Variants in FRAS1 observed in about 807,000 individuals in gnomAD.
FRAS1 encodes extracellular matrix organizing protein FRAS1.
A neutral mutation model predicts 435.2 loss-of-function variants in FRAS1; 290 were observed. The observed-to-expected ratio is 0.67, with a 90% CI of 0.61 to 0.73. The LOEUF is 0.73. Ranked by LOEUF, FRAS1 falls within the 30% of genes least tolerant of loss-of-function variation. The probability of loss-of-function intolerance (pLI) is 0.00; values close to 1 mark genes in which losing one functional copy is unlikely to be tolerated. For missense variants in FRAS1, 4,860 were observed against 5,001.5 expected, an observed-to-expected ratio of 0.97 and a Z score of 0.85; for synonymous variants, 1,800 against 1,851.0, an observed-to-expected ratio of 0.97 and a Z score of 0.71.
At chr4:78,245,898 C>T (rs1263378701) in intron 4 of FRAS1, among the ~76,000 whole-genome samples, 2 of 152,086 alleles carry the variant, frequency 1.3e-5, no homozygotes. Flanking sequence ...CATCCCTGGT[C>T]TTTTCCCACT....
At chr4:78,149,080 C>T (rs1720538977) in intron 2 of FRAS1, among the ~76,000 whole-genome samples, 2 of 152,224 alleles carry the variant, frequency 1.3e-5, no homozygotes, top group South Asian at 4.2e-4. Flanking sequence ...ACTCTATTGC[C>T]CTTTTTTTTG....
chr4:78,380,894 C>T (rs1316045516), intron 27 of FRAS1, among the ~76,000 whole-genome samples: 1 of 152,058 alleles, frequency 6.6e-6, no homozygotes. Context: ...ATGCCAGTGA[C>T]CTTGGAAGAT....
chr4:78,213,237 C>T (rs1267496562), intron 2 of FRAS1, among the ~76,000 whole-genome samples: 2 of 152,234 alleles, frequency 1.3e-5, no homozygotes, highest in Non-Finnish European at 2.9e-5. Flanking sequence ...TTTGTAGATC[C>T]ATACATCCCT....
intron 12 of FRAS1, 126 bp downstream of exon 12, chr4:78,283,093 C>T (rs958397862): frequency 1.4e-6 from 1 of 703,888 alleles, no homozygotes; most frequent in African/African-American, 1.9e-5. Context: ...TTGTTTGTTT[C>T]TTCATAATTT....
At position 78,438,808 on chromosome 4, in the gene FRAS1, T is replaced by C. The variant is rs940684659; in HGVS notation, c.5366+90T>C. ...TGGTTGTAGCTCTGTTGAAAGAATA[T>C]ATTGGTTTGGCCCCATTTTTAAACA... On this transcript the variant is annotated intron_variant, in intron 39 of 73. Transcript: ENST00000512123. 10 of 1,496,240 alleles carry C rather than the reference T, an allele frequency of 6.7e-6. No homozygotes were observed. The East Asian group carries it at 2.0e-4, about 30-fold the overall frequency. The allele number at this position is 1,496,240 out of a possible 1,614,324, so 92.7% of individuals were successfully genotyped here. A position where few individuals can be genotyped will look rare whatever the true frequency, so the allele number is the denominator to read the frequency against.
intron 50 of FRAS1, among the ~76,000 whole-genome samples, chr4:78,466,891 T>G (rs1283913188): frequency 6.6e-6 from 1 of 152,038 alleles, no homozygotes; most frequent in East Asian, 1.9e-4. Flanking sequence ...TGGATAAGAG[T>G]GTGGTTTTTG....
rs181399456 is a variant in FRAS1, at chr4:78,505,285, T to C, written c.9317-2136T>C. ...TGAATGTTGGCCTTGCTTGCCAGGT[T>C]GGGGAAGTTCTCCTGGATAATATCC... is the stretch of plus-strand genomic sequence containing the variant. On this transcript the variant is annotated intron_variant, in intron 61 of 73. Transcript: ENST00000512123. Among the ~76,000 whole-genome samples, 35 of 152,366 alleles carry C rather than the reference T, an allele frequency of 2.3e-4. No individual in the cohort carries two copies. In the East Asian group the frequency reaches 6.8e-3, roughly 29 times the overall value.
At chr4:78,294,119 C>A (rs1299486894) in intron 14 of FRAS1, among the ~76,000 whole-genome samples, 1 of 152,130 alleles carries the variant, frequency 6.6e-6, no homozygotes, top group South Asian at 2.1e-4. Context: ...TTCTCCATTC[C>A]CCACCCAAGC....
At chr4:78,506,833 A>G (rs62310273) in intron 61 of FRAS1, among the ~76,000 whole-genome samples, 48,235 of 151,874 alleles carry the variant, frequency 0.32, 8,210 homozygotes, top group South Asian at 0.52. Context: ...CTTCTGCGTC[A>G]ATCATGCTGG....
intron 2 of FRAS1, among the ~76,000 whole-genome samples, chr4:78,200,572 C>T (rs930553257): frequency 3.3e-5 from 5 of 152,040 alleles, no homozygotes; most frequent in African/African-American, 4.8e-5. Flanking sequence ...TATTTTGAAG[C>T]GGGTAAAGGG....
rs770583172 is a variant in FRAS1, at chr4:78,432,585, G to A, written c.5198G>A (p.Arg1733Lys). The A allele has an allele frequency of 6.3e-7, 1 of 1,589,894 alleles. No individual in the cohort carries two copies. Among genetic ancestry groups the A allele is most frequent in the Admixed American group, 1.7e-5 (1 of 57,848 alleles). Residue 1733 changes from arginine to lysine, a missense_variant, in exon 38 of 74, where the codon AGG becomes AAG. By Grantham distance (26) the Arg-to-Lys change is conservative. Transcript: ENST00000512123. ...VASKSTAIIT[R>K]SHLAYVDDSS... is the part of the protein sequence containing the mutation. ...AGTAAAAGCACAGCCATAATCACTAGGTCACACCTTGCTTACGTGGTAAGT... is the reference window on the plus strand; with the variant it reads ...AGTAAAAGCACAGCCATAATCACTAAGTCACACCTTGCTTACGTGGTAAGT...
chr4:78,117,145 T>C lies in FRAS1; in HGVS notation c.108+51129T>C, dbSNP rs1053475528. 3.3e-5 allele frequency among the ~76,000 whole-genome samples: 5 copies of C among 152,242 alleles called. No homozygotes were observed. In the East Asian group the frequency reaches 9.6e-4, roughly 29 times the overall value. On this transcript the variant is annotated intron_variant, in intron 2 of 73. Coordinates refer to ENST00000512123, the MANE Select transcript of FRAS1 (RefSeq NM_025074.7). ...GTTGAAAATGCTTGTCTTTAAAGAATGTTGAATATTGGCCCCCACTCTCTT... is the reference window on the plus strand; with the variant it reads ...GTTGAAAATGCTTGTCTTTAAAGAACGTTGAATATTGGCCCCCACTCTCTT...
rs375625242 is a variant in FRAS1, at chr4:78,501,319, G to A, written c.9316+1398G>A. On this transcript the variant is annotated intron_variant, in intron 61 of 73. Transcript: ENST00000512123. ...ACTCATCCTTTTTTATGGCTACATA[G>A]CATTCCATGGTATATATGTGCCACA... Among the ~76,000 whole-genome samples, 81 of 152,234 alleles carry A rather than the reference G, an allele frequency of 5.3e-4. 3 individuals carry two copies. In the East Asian group the frequency reaches 0.014, roughly 27 times the overall value.
intron 70 of FRAS1, among the ~76,000 whole-genome samples, chr4:78,528,138 G>T (rs944890919): frequency 6.6e-6 from 1 of 152,128 alleles, no homozygotes; most frequent in Non-Finnish European, 1.5e-5. Flanking sequence ...AGAATGTCGA[G>T]GTTTGAGAAG....
intron 2 of FRAS1, among the ~76,000 whole-genome samples, chr4:78,086,659 T>C (rs868097927): frequency 1.1e-4 from 17 of 152,214 alleles, no homozygotes; most frequent in Middle Eastern, 3.4e-3. Context: ...TCTACACAAA[T>C]AAACTAGAAA....
chr4:78,346,704 AAAAC>A (rs934586950), intron 20 of FRAS1, among the ~76,000 whole-genome samples: 17 of 152,278 alleles, frequency 1.1e-4, no homozygotes, highest in African/African-American at 3.6e-4. Flanking sequence ...CTGATAAAAC[AAAAC>A]AAACAAACCT....
In FRAS1 at chr4:78,058,127, C is replaced by CGTGT. The variant is rs753332895; in HGVS notation, c.76+51_76+54dup. 28 of 1,473,744 alleles carry CGTGT rather than the reference C, an allele frequency of 1.9e-5. No individual in the cohort carries two copies. The East Asian group carries it at 6.0e-4, about 32-fold the overall frequency. The allele number at this position is 1,473,744 out of a possible 1,614,324, so 91.3% of individuals were successfully genotyped here. ...GCGTGTGTGTGTGTGTGTGCGTGTG[C>CGTGT]GTGTGTGTGTGTATGTGTGAGTGAT... On this transcript the variant is annotated intron_variant, in intron 1 of 73. Coordinates refer to ENST00000512123, the MANE Select transcript of FRAS1 (RefSeq NM_025074.7).
At chr4:78,358,368 TG>T (rs1390286262) in intron 20 of FRAS1, among the ~76,000 whole-genome samples, 1 of 152,214 alleles carries the variant, frequency 6.6e-6, no homozygotes, top group African/African-American at 2.4e-5. Context: ...AAATGGCTCT[TG>T]AAATACAAGT....
At chr4:78,222,731 C>T (rs1438212308) in intron 2 of FRAS1, among the ~76,000 whole-genome samples, 1 of 152,182 alleles carries the variant, frequency 6.6e-6, no homozygotes, top group African/African-American at 2.4e-5. Flanking sequence ...ATTTGCTTTT[C>T]AGTCCCTTTC....
Sources: allele counts gnomAD v4.1 joint callset (sites outside exome capture counted in the v4.1 genomes callset), GRCh38; gene constraint gnomAD v4.1.1; transcripts MANE v1.5; gene names NCBI Gene and HGNC (gene_info 2026-07-23, HGNC 2026-07-21).